The following SEPTIN11 variants were observed in gnomAD, a reference collection of about 807,000 sequenced individuals.
SEPTIN11 encodes septin-11.
Under a neutral mutation model 51.4 loss-of-function variants are expected in SEPTIN11, and 25 were observed. That is an observed-to-expected ratio of 0.49 (90% CI 0.35 to 0.68). SEPTIN11 has a LOEUF of 0.68. Among genes scored for constraint, SEPTIN11 ranks in the 30% least tolerant of loss-of-function variants. The pLI is 0.00. For synonymous variants in SEPTIN11, 174 were observed against 184.1 expected (o/e 0.95, Z 0.44); for missense variants, 381 against 520.8 (o/e 0.73, Z 2.61).
At chr4:76,986,000 G>A (rs575801254) in intron 1 of SEPTIN11, among the ~76,000 whole-genome samples, 5 of 152,242 alleles carry the variant, frequency 3.3e-5, no homozygotes, top group Admixed American at 2.0e-4. Context: ...AAATTTGGCC[G>A]AAAAGAGTGT....
intron 1 of SEPTIN11, among the ~76,000 whole-genome samples, chr4:76,975,819 TTC>T (rs1722472800): frequency 1.3e-5 from 2 of 152,244 alleles, no homozygotes. Context: ...ACCTTCAGTC[TTC>T]TCTAAGGAGG....
intron 2 of SEPTIN11, among the ~76,000 whole-genome samples, chr4:76,997,528 C>G (rs1196346113): frequency 6.6e-6 from 1 of 152,274 alleles, no homozygotes; most frequent in East Asian, 1.9e-4. Context: ...AGCCTCTGTG[C>G]TGGGCATTCA....
intron 1 of SEPTIN11, among the ~76,000 whole-genome samples, chr4:76,950,745 C>T (rs751635639): frequency 5.9e-5 from 9 of 152,134 alleles, no homozygotes; most frequent in East Asian, 1.9e-4. Flanking sequence ...TCGGTCCGCG[C>T]CCCGGGGCCG....
chr4:76,995,568 C>CCT (rs1274942202), intron 1 of SEPTIN11, among the ~76,000 whole-genome samples: 4 of 152,076 alleles, frequency 2.6e-5, no homozygotes, highest in Non-Finnish European at 5.9e-5. Context: ...CAAACCATAA[C>CCT]CATGATATTA....
intron 1 of SEPTIN11, among the ~76,000 whole-genome samples, chr4:76,976,951 A>G (rs937776713): frequency 2.6e-5 from 4 of 152,226 alleles, no homozygotes; most frequent in Non-Finnish European, 5.9e-5. Flanking sequence ...ATGTTTAGCT[A>G]TGGAATATAA....
At position 77,014,957 on chromosome 4, in the gene SEPTIN11, C is replaced by T. The variant is rs200952418; in HGVS notation, c.627C>T (p.Val209=). ...TGAGTGAACTGGTCAGCAATGGGGTCCAGATATATCAGTTTCCCACTGATG... is the reference window on the plus strand; with the variant it reads ...TGAGTGAACTGGTCAGCAATGGGGTTCAGATATATCAGTTTCCCACTGATG... ...KIMSELVSNG[V]QIYQFPTDEE... Residue 209 remains valine (V), a synonymous_variant, in exon 5 of 10, where the codon GTC becomes GTT. Coordinates refer to ENST00000264893, the MANE Select transcript of SEPTIN11 (RefSeq NM_018243.4). 14 of 1,614,024 alleles carry T rather than the reference C, an allele frequency of 8.7e-6. No individual in the cohort carries two copies. The Admixed American group carries it at 2.3e-4, about 27-fold the overall frequency.
intron 7 of SEPTIN11, among the ~76,000 whole-genome samples, chr4:77,023,935 G>T (rs575649373): frequency 6.6e-6 from 1 of 152,148 alleles, no homozygotes. Context: ...TAAATCAAGG[G>T]CTTAAGGTTT....
intron 1 of SEPTIN11, among the ~76,000 whole-genome samples, chr4:76,960,359 G>C (rs772627745): frequency 7.2e-5 from 11 of 152,302 alleles, no homozygotes; most frequent in Non-Finnish European, 1.3e-4. Flanking sequence ...TTTTCTCTCT[G>C]AGCCCTCTAA....
intron 5 of SEPTIN11, among the ~76,000 whole-genome samples, chr4:77,016,636 A>ATATATATATATATATATG (rs1725302655): frequency 6.6e-5 from 6 of 90,294 alleles, no homozygotes; most frequent in Non-Finnish European, 1.4e-4. Flanking sequence ...ATATACACAT[A>ATATATATATATATATATG]TATATATATA....
intron 3 of SEPTIN11, among the ~76,000 whole-genome samples, chr4:77,007,946 T>C (rs1285602240): frequency 6.6e-6 from 1 of 152,252 alleles, no homozygotes; most frequent in African/African-American, 2.4e-5. Flanking sequence ...TATGCCCATG[T>C]TGATTTTTAC....
intron 1 of SEPTIN11, among the ~76,000 whole-genome samples, chr4:76,991,983 G>T (rs1296084107): frequency 1.3e-5 from 2 of 152,186 alleles, no homozygotes; most frequent in Non-Finnish European, 2.9e-5. Context: ...TACCATAAAG[G>T]TTAGTCATAA....
At chr4:77,039,217 T>C, downstream of SEPTIN11, 2 of 1,247,350 alleles carry the variant, frequency 1.6e-6, no homozygotes, top group South Asian at 2.8e-5. Flanking sequence ...TTTTAAAGTC[T>C]GGGTCAAATA....
intron 1 of SEPTIN11, among the ~76,000 whole-genome samples, chr4:76,964,597 A>G (rs533608520): frequency 1.3e-5 from 2 of 152,298 alleles, no homozygotes; most frequent in East Asian, 3.9e-4. Context: ...GGTAAAAGTT[A>G]TGGTTTAACA....
intron 1 of SEPTIN11, among the ~76,000 whole-genome samples, chr4:76,990,380 G>T (rs7655204): frequency 0.52 from 79,228 of 151,266 alleles, 21,487 homozygotes; most frequent in Middle Eastern, 0.62. Context: ...ACCCAGGAAG[G>T]CCAGCTGGCT....
At chr4:76,957,487 C>T (rs1436388538) in intron 1 of SEPTIN11, among the ~76,000 whole-genome samples, 3 of 152,184 alleles carry the variant, frequency 2.0e-5, no homozygotes, top group Admixed American at 1.3e-4. Context: ...AAAACACTAA[C>T]AGTACTTCCC....
chr4:77,037,803 A>G lies in SEPTIN11; in HGVS notation c.*3291A>G. The stretch of plus-strand genomic sequence containing the variant: ...AACTTAGGCTCTTTATTAATTGGTT[A>G]AGGTTTTCTCCAAAAAGGGCATTTC... On this transcript the variant is annotated 3_prime_UTR_variant, in exon 10 of 10. Transcript: ENST00000264893. 6.1e-6 allele frequency: 6 copies of G among 985,856 alleles called. No homozygotes were observed. Among genetic ancestry groups the G allele is most frequent in the Non-Finnish European group, 7.2e-6 (6 of 829,930 alleles). The allele number at this position is 985,856 out of a possible 1,614,324, so 61.1% of individuals were successfully genotyped here. A position where few individuals can be genotyped will look rare whatever the true frequency, so the allele number is the denominator to read the frequency against.
chr4:77,030,519 C>T (rs190513194), intron 8 of SEPTIN11, among the ~76,000 whole-genome samples: 13 of 152,190 alleles, frequency 8.5e-5, no homozygotes, highest in African/African-American at 1.7e-4. Context: ...GCCTCAGCCT[C>T]TTGAGTAGCA....
intron 1 of SEPTIN11, among the ~76,000 whole-genome samples, chr4:76,952,902 A>T (rs1006010299): frequency 6.6e-6 from 1 of 152,168 alleles, no homozygotes; most frequent in East Asian, 1.9e-4. Context: ...TAAACAGAAC[A>T]TGGCAATTTA....
intron 1 of SEPTIN11, chr4:76,974,582 C>T (rs1484106282): frequency 1.4e-5 from 5 of 367,520 alleles, no homozygotes; most frequent in South Asian, 8.3e-5. Context: ...AACCCAAGGA[C>T]AGTAGAACTA....
Sources: gnomAD v4.1 joint callset for allele counts (sites outside exome capture counted in the v4.1 genomes callset) on GRCh38, gnomAD v4.1.1 for gene constraint, MANE v1.5 for transcripts, NCBI Gene and HGNC (gene_info 2026-07-23, HGNC 2026-07-21) for gene names.